Variants in TRIM33 observed in about 807,000 individuals in gnomAD.
The protein encoded by TRIM33 is E3 ubiquitin-protein ligase TRIM33.
Under a neutral mutation model 125.4 loss-of-function variants are expected in TRIM33, and 20 were observed. The ratio of observed to expected loss-of-function variants is 0.16; its 90% confidence interval spans 0.11 to 0.23. TRIM33 has a LOEUF of 0.23. Ranked by LOEUF, TRIM33 falls within the 10% of genes least tolerant of loss-of-function variation. The probability of loss-of-function intolerance (pLI) is 1.00; values close to 1 mark genes in which losing one functional copy is unlikely to be tolerated. For missense variants in TRIM33, 920 were observed against 1,411.4 expected, an observed-to-expected ratio of 0.65 and a Z score of 5.58; for synonymous variants, 564 against 513.9, an observed-to-expected ratio of 1.10 and a Z score of -1.32.
At chr1:114,492,318 T>A (rs1652118917) in intron 1 of TRIM33, among the ~76,000 whole-genome samples, 1 of 152,324 alleles carries the variant, frequency 6.6e-6, no homozygotes. Context: ...AAAACATTTT[T>A]AACATATTTT....
At chr1:114,398,103 T>C in intron 18 of TRIM33, 113 bp from the exon 19 acceptor site, 1 of 1,041,214 alleles carries the variant, frequency 9.6e-7, no homozygotes, top group Non-Finnish European at 1.4e-6. Context: ...GAGAACAAAT[T>C]GCTATAACCA....
intron 1 of TRIM33, chr1:114,468,679 G>C: frequency 2.3e-6 from 1 of 440,408 alleles, no homozygotes; most frequent in South Asian, 1.7e-5. Context: ...ATTATGCTTG[G>C]CAATAAAAAG....
chr1:114,510,170 C>G (rs1429970454), intron 1 of TRIM33, among the ~76,000 whole-genome samples: 2 of 152,146 alleles, frequency 1.3e-5, no homozygotes, highest in African/African-American at 4.8e-5. Flanking sequence ...TTACCTACTC[C>G]CTCAACACCT....
chr1:114,494,910 AGTT>A (rs113782004), intron 1 of TRIM33, among the ~76,000 whole-genome samples: 8 of 152,020 alleles, frequency 5.3e-5, no homozygotes, highest in Admixed American at 2.6e-4. Context: ...AGAATAGAGT[AGTT>A]GTTGTTGTTG....
At position 114,433,597 on chromosome 1, in the gene TRIM33, T is replaced by C. The variant is rs369985916; in HGVS notation, c.1040+20A>G. 26 of 1,449,322 alleles carry C rather than the reference T, an allele frequency of 1.8e-5. No individual in the cohort carries two copies. Among genetic ancestry groups the C allele is most frequent in the Non-Finnish European group, 2.5e-5 (26 of 1,051,906 alleles). The allele number at this position is 1,449,322 out of a possible 1,614,324, so 89.8% of individuals were successfully genotyped here. Reference sequence around the variant, plus strand: ...TTTTTAGTAATTCTTAAAATTATGGTTTTAAGGCAACAAACTTACCTATTC... The same window carrying C: ...TTTTTAGTAATTCTTAAAATTATGGCTTTAAGGCAACAAACTTACCTATTC... On this transcript the variant is annotated intron_variant, in intron 5 of 19. Transcript: ENST00000358465.
Position 114,395,919 on chromosome 1 carries a change from T to A in TRIM33, c.*1729A>T, listed in dbSNP as rs1048958124. On this transcript the variant is annotated 3_prime_UTR_variant, in exon 20 of 20. Transcript: ENST00000358465. ...GAAAAACAACCCAAAGGAATTTGTATAATAATTTCTTTAGAGCACTTTATT... is the reference window on the plus strand; with the variant it reads ...GAAAAACAACCCAAAGGAATTTGTAAAATAATTTCTTTAGAGCACTTTATT... The A allele has an allele frequency of 1.0e-5, 2 of 193,354 alleles. No homozygotes were observed. Among genetic ancestry groups the A allele is most frequent in the Non-Finnish European group, 2.2e-5 (2 of 92,530 alleles). 12.0% of individuals were successfully genotyped at this position (193,354 alleles called of 1,614,324 possible).
intron 1 of TRIM33, among the ~76,000 whole-genome samples, chr1:114,507,538 A>G (rs1447516157): frequency 6.6e-6 from 1 of 152,244 alleles, no homozygotes; most frequent in Admixed American, 6.5e-5. Flanking sequence ...GAGGTTGATC[A>G]ATAATATCCT....
At chr1:114,452,271 C>A (rs1024938153) in intron 4 of TRIM33, among the ~76,000 whole-genome samples, 2 of 151,996 alleles carry the variant, frequency 1.3e-5, no homozygotes, top group African/African-American at 2.4e-5. Flanking sequence ...ACCATCCTGG[C>A]CAACATGGTG....
chr1:114,462,697 A>G (rs945566833), intron 4 of TRIM33, among the ~76,000 whole-genome samples: 3 of 152,168 alleles, frequency 2.0e-5, no homozygotes, highest in African/African-American at 7.2e-5. Context: ...ATAAATCCCT[A>G]GCTTTTCTAC....
chr1:114,443,298 C>T (rs1005119796), intron 4 of TRIM33, among the ~76,000 whole-genome samples: 8 of 152,072 alleles, frequency 5.3e-5, no homozygotes, highest in African/African-American at 1.7e-4. Flanking sequence ...GTGGGAGAAT[C>T]GCTTGAACTC....
chr1:114,424,633 G>A lies in TRIM33; in HGVS notation c.1818C>T (p.Ser606=), dbSNP rs533295381. The change falls in exon 10 of 20, where the codon AGC becomes AGT. Residue 606 remains serine, a synonymous_variant. Transcript: ENST00000358465. ...AARIPGIPRH[S]GPQYSMMQPH... ...GCTGCATCATGGAATATTGAGGGCC[G>A]CTGTGCCTGGGTATCCCTGGTATTC... is the stretch of plus-strand genomic sequence containing the variant. The A allele has an allele frequency of 3.0e-5, 48 of 1,608,114 alleles. No individual in the cohort carries two copies. The highest frequency in any genetic ancestry group is 1.9e-4 in the South Asian group (17 of 89,970).
chr1:114,485,043 CTCTG>C (rs921773812), intron 1 of TRIM33, among the ~76,000 whole-genome samples: 1 of 148,948 alleles, frequency 6.7e-6, no homozygotes, highest in African/African-American at 2.5e-5. Context: ...CAGAGTGAGA[CTCTG>C]TCTTTTAAAA....
chr1:114,442,847 AT>A (rs909381597), intron 4 of TRIM33, among the ~76,000 whole-genome samples: 23 of 151,956 alleles, frequency 1.5e-4, no homozygotes, highest in Non-Finnish European at 1.0e-4. Context: ...TGTAAAAACA[AT>A]TTTTTATATC....
At chr1:114,496,881 G>A (rs1255148525) in intron 1 of TRIM33, among the ~76,000 whole-genome samples, 1 of 152,160 alleles carries the variant, frequency 6.6e-6, no homozygotes, top group Admixed American at 6.5e-5. Context: ...TTTCCTGTGA[G>A]TTGGGAATAA....
At position 114,397,607 on chromosome 1, in the gene TRIM33, G is replaced by GTTTTTTTTTTTTTTTTTTTTTTTTTTTTT. The variant is rs370757901; in HGVS notation, c.*40_*41insAAAAAAAAAAAAAAAAAAAAAAAAAAAAA. The GTTTTTTTTTTTTTTTTTTTTTTTTTTTTT allele has an allele frequency of 1.9e-6, 1 of 527,368 alleles. No homozygotes were observed. The highest frequency in any genetic ancestry group is 4.5e-5 in the African/African-American group (1 of 22,394). 32.7% of individuals were successfully genotyped at this position (527,368 alleles called of 1,614,324 possible). On this transcript the variant is annotated 3_prime_UTR_variant, in exon 20 of 20. Coordinates refer to ENST00000358465, the MANE Select transcript of TRIM33 (RefSeq NM_015906.4). ...TTTTTGTGTTTTTTTTTTTTTTTTC[G>GTTTTTTTTTTTTTTTTTTTTTTTTTTTTT]TTTTTTTTTTTTTAAACAATTGATT... is the stretch of plus-strand genomic sequence containing the variant.
intron 4 of TRIM33, among the ~76,000 whole-genome samples, chr1:114,457,142 A>G (rs945321713): frequency 2.0e-5 from 3 of 152,182 alleles, no homozygotes; most frequent in Admixed American, 6.5e-5. Flanking sequence ...CTACATTTCA[A>G]TGAGGCCTGA....
At position 114,426,198 on chromosome 1, in the gene TRIM33, C is replaced by T. The variant is rs1394292649; in HGVS notation, c.1421-475G>A. 2.6e-5 allele frequency among the ~76,000 whole-genome samples: 4 copies of T among 152,254 alleles called. 1 individual carries two copies. The East Asian group carries it at 7.7e-4, about 29-fold the overall frequency. ...GCTTTAAACAACTTATATCCTTAGACGTGATGGTTTTCCTTGCTTTTTATG... is the reference window on the plus strand; with the variant it reads ...GCTTTAAACAACTTATATCCTTAGATGTGATGGTTTTCCTTGCTTTTTATG... On this transcript the variant is annotated intron_variant, in intron 8 of 19. Transcript: ENST00000358465.
intron 1 of TRIM33, among the ~76,000 whole-genome samples, chr1:114,487,339 CAA>C (rs35231757): frequency 1.2e-4 from 7 of 58,450 alleles, no homozygotes; most frequent in Non-Finnish European, 1.8e-4. Context: ...CCATGCAGGC[CAA>C]AAAAAAAAAA....
At chr1:114,439,490 AAAAAAAT>A (rs1648518945) in intron 4 of TRIM33, among the ~76,000 whole-genome samples, 1 of 149,580 alleles carries the variant, frequency 6.7e-6, no homozygotes. Flanking sequence ...AAAAAAAAAA[AAAAAAAT>A]CTAATCTCTG....
Sources: gnomAD v4.1 joint callset for allele counts (sites outside exome capture counted in the v4.1 genomes callset) on GRCh38, gnomAD v4.1.1 for gene constraint, MANE v1.5 for transcripts, NCBI Gene and HGNC (gene_info 2026-07-23, HGNC 2026-07-21) for gene names.